ZNF350: variants seen among roughly 807,000 people sequenced by gnomAD.
The protein encoded by ZNF350 is KRAB zinc finger protein ZFQR.
Under a neutral mutation model 13.1 loss-of-function variants are expected in ZNF350, and 5 were observed. The ratio of observed to expected loss-of-function variants is 0.38; its 90% CI spans 0.20 to 0.80. ZNF350 has a LOEUF of 0.80. Ranked by LOEUF, ZNF350 falls within the 30% of genes least tolerant of loss-of-function variation. The pLI, the probability that ZNF350 is intolerant of heterozygous loss-of-function variation, is 0.43. For missense variants in ZNF350, 534 were observed against 644.2 expected, an observed-to-expected ratio of 0.83 and a Z score of 1.85; for synonymous variants, 199 against 224.2, an observed-to-expected ratio of 0.89 and a Z score of 1.00.
At chr19:51,977,563 G>A (rs577256035) in intron 1 of ZNF350, among the ~76,000 whole-genome samples, 7 of 152,306 alleles carry the variant, frequency 4.6e-5, no homozygotes, top group African/African-American at 1.2e-4. Flanking sequence ...TACACAGGCC[G>A]CTAAATGCGC....
chr19:51,974,322 T>C (rs772558401), intron 2 of ZNF350, 24 bp downstream of exon 2: 1 of 1,613,562 alleles, frequency 6.2e-7, no homozygotes, highest in Non-Finnish European at 8.5e-7. Flanking sequence ...AAGGAAAGAA[T>C]AAAACAAACC....
At chr19:51,966,637 A>AT (rs1157720937) in intron 4 of ZNF350, among the ~76,000 whole-genome samples, 1,430 of 139,614 alleles carry the variant, frequency 0.01, 28 homozygotes, top group African/African-American at 0.037. Context: ...CAGCCAAAGT[A>AT]TTTTTTGTTG....
At chr19:51,966,640 T>C in intron 4 of ZNF350, among the ~76,000 whole-genome samples, 1 of 145,296 alleles carries the variant, frequency 6.9e-6, no homozygotes, top group Non-Finnish European at 1.5e-5. Context: ...CCAAAGTATT[T>C]TTTGTTGTTT....
chr19:51,965,990 C>CAG lies in ZNF350; in HGVS notation c.461_462dup (p.Val155LeufsTer49), dbSNP rs760179317. 3.0e-5 allele frequency: 48 copies of CAG among 1,614,124 alleles called. No individual in the cohort carries two copies. The highest frequency in any genetic ancestry group is 4.0e-5 in the Non-Finnish European group (47 of 1,180,040). Reference sequence around the variant, plus strand: ...GAGTCCCCATTTCCAGTAAACTCAACAGAGTTCTTTATTTCATAGCCTTTG... The same window carrying CAG: ...GAGTCCCCATTTCCAGTAAACTCAACAGAGAGTTCTTTATTTCATAGCCTTTG... On this transcript the variant is annotated frameshift_variant, in exon 5 of 5. Coordinates refer to ENST00000243644, the MANE Select transcript of ZNF350 (RefSeq NM_021632.4). LOFTEE classifies it low-confidence loss of function (END_TRUNC).
intron 4 of ZNF350, chr19:51,967,482 G>C (rs2085612591): frequency 6.6e-6 from 1 of 152,092 alleles, no homozygotes; most frequent in Non-Finnish European, 1.5e-5. Context: ...GTAATCATAT[G>C]TGTGGAACAC....
rs532169484 is a variant in ZNF350, at chr19:51,980,495, C to T, written c.-171-5964G>A. ...AACTGGACACGCACAGCTGACCAAG[C>T]GAGGCTACTTCAGAATAAAATTAAC... On this transcript the variant is annotated intron_variant, in intron 1 of 4. Transcript: ENST00000243644. Among the ~76,000 whole-genome samples the T allele has an allele frequency of 3.0e-4, 45 of 152,148 alleles. 1 individual carries two copies. Among genetic ancestry groups the T allele is most frequent in the Admixed American group, 5.2e-4 (8 of 15,280 alleles).
In ZNF350 at chr19:51,966,006, A is replaced by G. The variant is rs1217112597; in HGVS notation, c.447T>C (p.Tyr149=). Residue 149 remains tyrosine, a synonymous_variant, in exon 5 of 5, where the codon TAT becomes TAC. Transcript: ENST00000243644. ...NLTLVNQSKG[Y]EIKNSVEFTG... Reference sequence around the variant, plus strand: ...TAAACTCAACAGAGTTCTTTATTTCATAGCCTTTGCTCTGGTTAACTAAAG... The same window carrying G: ...TAAACTCAACAGAGTTCTTTATTTCGTAGCCTTTGCTCTGGTTAACTAAAG... 1.2e-6 allele frequency: 2 copies of G among 1,613,984 alleles called. No individual in the cohort carries two copies. The highest frequency in any genetic ancestry group is 2.7e-5 in the African/African-American group (2 of 74,906).
Position 51,966,031 on chromosome 19 carries a change from G to C in ZNF350, c.422C>G (p.Thr141Ser), listed in dbSNP as rs144740447. The C allele has an allele frequency of 6.1e-5, 99 of 1,613,882 alleles. No homozygotes were observed. In the African/African-American group the frequency reaches 1.2e-3, roughly 19 times the overall value. The change falls in exon 5 of 5, where the codon ACT becomes AGT. Residue 141 changes from threonine (T) to serine (S), a missense_variant. Coordinates refer to ENST00000243644, the MANE Select transcript of ZNF350 (RefSeq NM_021632.4). ...LRGKSLKSNLTLVNQSKGYEI... is the reference protein window; with the variant it reads ...LRGKSLKSNLSLVNQSKGYEI... ...ATAGCCTTTGCTCTGGTTAACTAAA[G>C]TTAAATTGGATTTCAAACTTTTTCC...
chr19:51,964,828 T>C lies in ZNF350; in HGVS notation c.*26A>G. On this transcript the variant is annotated 3_prime_UTR_variant, in exon 5 of 5. Transcript: ENST00000243644. ...GAACTACAAATTTTTGCTCAACCCT[T>C]TTCCACATAGATCTGAGTTTTCTTC... is the stretch of plus-strand genomic sequence containing the variant. 1 of 1,584,096 alleles carries C rather than the reference T, an allele frequency of 6.3e-7. No individual in the cohort carries two copies. The highest frequency in any genetic ancestry group is 8.6e-7 in the Non-Finnish European group (1 of 1,162,948).
intron 1 of ZNF350, among the ~76,000 whole-genome samples, chr19:51,979,074 C>G (rs1005863363): frequency 6.6e-6 from 1 of 152,056 alleles, no homozygotes; most frequent in South Asian, 2.1e-4. Flanking sequence ...CCCTCCTGTA[C>G]GAGCTATGAG....
At position 51,965,267 on chromosome 19, in the gene ZNF350, G is replaced by A. The variant is rs571896047; in HGVS notation, c.1186C>T (p.His396Tyr). 6.2e-7 allele frequency: 1 copy of A among 1,614,048 alleles called. No individual in the cohort carries two copies. The highest frequency in any genetic ancestry group is 1.3e-5 in the African/African-American group (1 of 75,054). The change falls in exon 5 of 5, where the codon CAT (histidine) becomes TAT (tyrosine). Residue 396 changes from histidine to tyrosine, a missense_variant. By Grantham distance (83) the His-to-Tyr change is moderately conservative. Transcript: ENST00000243644. Reference sequence around the variant, plus strand: ...CAGCCATAGGGTCTCTCTCCTGTATGAGTCCTTTGATGGACAATGAGCTTT... The same window carrying A: ...CAGCCATAGGGTCTCTCTCCTGTATAAGTCCTTTGATGGACAATGAGCTTT... ...KQKLIVHQRTHTGERPYGCNE... is the reference protein window; with the variant it reads ...KQKLIVHQRTYTGERPYGCNE...
intron 4 of ZNF350, 28 bp downstream of exon 4, chr19:51,968,550 T>C: frequency 1.2e-6 from 2 of 1,600,978 alleles, no homozygotes; most frequent in Non-Finnish European, 1.7e-6. Flanking sequence ...GTGACTTCCA[T>C]AGCCTTCTGT....
Position 51,965,194 on chromosome 19 carries a change from T to C in ZNF350, c.1259A>G (p.His420Arg). The C allele has an allele frequency of 8.1e-6, 13 of 1,614,232 alleles. No homozygotes were observed. Among genetic ancestry groups the C allele is most frequent in the Non-Finnish European group, 1.1e-5 (13 of 1,180,030 alleles). Residue 420 changes from histidine (H) to arginine (R), a missense_variant, in exon 5 of 5, where the codon CAT (histidine) becomes CGT (arginine). Transcript: ENST00000243644. Reference protein sequence around the residue: ...AFAYMSCLVKHKRIHTREKQE... With the variant: ...AFAYMSCLVKRKRIHTREKQE... Reference sequence around the variant, plus strand: ...TTTCTCCCTTGTGTGTATTCTCTTATGCTTAACCAGACACGACATATACGC... The same window carrying C: ...TTTCTCCCTTGTGTGTATTCTCTTACGCTTAACCAGACACGACATATACGC...
intron 2 of ZNF350, chr19:51,973,214 G>A (rs2085795477): frequency 6.6e-6 from 1 of 151,980 alleles, no homozygotes; most frequent in Non-Finnish European, 1.5e-5. Context: ...CCAAAGTGCT[G>A]GATTACAGCC....
intron 2 of ZNF350, among the ~76,000 whole-genome samples, chr19:51,971,780 CTT>C (rs2085744922): frequency 6.6e-6 from 1 of 152,124 alleles, no homozygotes; most frequent in South Asian, 2.1e-4. Context: ...ACTTTTGTCT[CTT>C]GTCTTTTATT....
rs771994012 is a variant in ZNF350, at chr19:51,965,224, G to A, written c.1229C>T (p.Ala410Val). 8.1e-6 allele frequency: 13 copies of A among 1,613,998 alleles called. No homozygotes were observed. The highest frequency in any genetic ancestry group is 2.2e-5 in the East Asian group (1 of 44,892). ...RPYGCNECGK[A>V]FAYMSCLVKH... is the part of the protein sequence containing the mutation. ...AACCAGACACGACATATACGCAAAC[G>A]CTTTCCCACACTCGTTACAGCCATA... is the stretch of plus-strand genomic sequence containing the variant. The change falls in exon 5 of 5, where the codon GCG becomes GTG. Residue 410 changes from alanine (A) to valine (V), a missense_variant. Coordinates refer to ENST00000243644, the MANE Select transcript of ZNF350 (RefSeq NM_021632.4).
chr19:51,977,440 C>T (rs904008583), intron 1 of ZNF350, among the ~76,000 whole-genome samples: 1 of 152,186 alleles, frequency 6.6e-6, no homozygotes, highest in African/African-American at 2.4e-5. Flanking sequence ...CCAGGCTAAA[C>T]AGAACCATGC....
chr19:51,964,885 T>C lies in ZNF350; in HGVS notation c.1568A>G (p.Tyr523Cys). 6.2e-7 allele frequency: 1 copy of C among 1,612,670 alleles called. No individual in the cohort carries two copies. Among genetic ancestry groups the C allele is most frequent in the Non-Finnish European group, 8.5e-7 (1 of 1,178,786 alleles). ...GTTTTCTGTAACATAAAATAAGACA[T>C]AATTGATCACGGAAGGCACAACCAC... ...VNVVVPSVIN[Y>C]VLFYVTENP The change falls in exon 5 of 5, where the codon TAT becomes TGT. Residue 523 changes from tyrosine to cysteine, a missense_variant. Tyr to Cys is a radical substitution (Grantham distance 194). Coordinates refer to ENST00000243644, the MANE Select transcript of ZNF350 (RefSeq NM_021632.4).
At chr19:51,977,495 GC>G (rs1455882360) in intron 1 of ZNF350, among the ~76,000 whole-genome samples, 51 of 152,294 alleles carry the variant, frequency 3.3e-4, no homozygotes, top group African/African-American at 1.2e-3. Flanking sequence ...TTAGGTCATG[GC>G]CCTTATTCAG....
Sources: gnomAD v4.1 joint callset for allele counts (sites outside exome capture counted in the v4.1 genomes callset) on GRCh38, gnomAD v4.1.1 for gene constraint, MANE v1.5 for transcripts, NCBI Gene and HGNC (gene_info 2026-07-23, HGNC 2026-07-21) for gene names.